COG6: variants seen among roughly 807,000 people sequenced by gnomAD.
COG6 encodes conserved oligomeric Golgi complex subunit 6.
Under a neutral mutation model 88.8 loss-of-function variants are expected in COG6, and 74 were observed. The ratio of observed to expected loss-of-function variants is 0.83; its 90% confidence interval spans 0.69 to 1.01. The LOEUF (loss-of-function observed/expected upper bound fraction) is 1.01. Among genes scored for constraint, COG6 ranks in the 50% least tolerant of loss-of-function variants. The pLI is 0.00. For missense variants in COG6, 800 were observed against 797.9 expected, an observed-to-expected ratio of 1.00 and a Z score of -0.03; for synonymous variants, 286 against 278.7, an observed-to-expected ratio of 1.03 and a Z score of -0.26.
intron 16 of COG6, 25 bp from the exon 17 acceptor site, chr13:39,724,483 C>CTTTTTT: frequency 2.3e-6 from 3 of 1,283,430 alleles, no homozygotes; most frequent in Admixed American, 2.2e-5. Flanking sequence ...CTTGGATCTG[C>CTTTTTT]TTTTTTTTTT....
exon 19 of COG6, chr13:39,790,766 C>A (rs1881916061): frequency 6.6e-6 from 1 of 151,910 alleles, no homozygotes; most frequent in Non-Finnish European, 1.5e-5. Context: ...TTGTTTATGA[C>A]CCTAAGTATA....
chr13:39,701,498 T>C (rs1186270718), intron 13 of COG6, among the ~76,000 whole-genome samples: 1 of 151,902 alleles, frequency 6.6e-6, no homozygotes, highest in Admixed American at 6.6e-5. Context: ...CACTGACGTT[T>C]AAGAGAAGGA....
At chr13:39,764,224 A>G (rs1438001729) in intron 18 of COG6, among the ~76,000 whole-genome samples, 3 of 151,756 alleles carry the variant, frequency 2.0e-5, no homozygotes, top group Non-Finnish European at 4.4e-5. Flanking sequence ...TAGACCTAAT[A>G]TTGGTAATTT....
Position 39,752,601 on chromosome 13 carries a change from G to T in COG6, c.*1508G>T, listed in dbSNP as rs572737538. ...GAAAATTTATTGTGCTTTTTACCTG[G>T]TTTTTTCAAATAAAATATTAAAATA... is the stretch of plus-strand genomic sequence containing the variant. On this transcript the variant is annotated 3_prime_UTR_variant, in exon 19 of 19. Coordinates refer to ENST00000455146, the MANE Select transcript of COG6 (RefSeq NM_020751.3). 657 of 1,265,506 alleles carry T rather than the reference G, an allele frequency of 5.2e-4. No individual in the cohort carries two copies. Among genetic ancestry groups the T allele is most frequent in the African/African-American group, 1.3e-3 (84 of 65,000 alleles). The allele number at this position is 1,265,506 out of a possible 1,614,324, so 78.4% of individuals were successfully genotyped here.
chr13:39,765,750 G>A (rs1388136380), intron 18 of COG6, among the ~76,000 whole-genome samples: 2 of 152,106 alleles, frequency 1.3e-5, no homozygotes, highest in Admixed American at 6.5e-5. Flanking sequence ...AAAACTCTGA[G>A]TTTGGTTTAT....
At chr13:39,709,322 A>T (rs924294151) in intron 13 of COG6, among the ~76,000 whole-genome samples, 1 of 152,050 alleles carries the variant, frequency 6.6e-6, no homozygotes, top group African/African-American at 2.4e-5. Context: ...AATTTATGAG[A>T]TACTAATGCA....
intron 1 of COG6, chr13:39,656,778 G>C: frequency 2.2e-6 from 1 of 455,130 alleles, no homozygotes; most frequent in South Asian, 1.6e-5. Flanking sequence ...CTAAATGTGT[G>C]CATCATGATT....
intron 18 of COG6, among the ~76,000 whole-genome samples, chr13:39,731,299 C>T (rs1242330099): frequency 6.6e-6 from 1 of 152,070 alleles, no homozygotes; most frequent in Non-Finnish European, 1.5e-5. Context: ...TGATTTAGCA[C>T]TTCAGCCTTG....
At chr13:39,678,520 C>A (rs1188404871) in intron 5 of COG6, among the ~76,000 whole-genome samples, 1 of 152,068 alleles carries the variant, frequency 6.6e-6, no homozygotes, top group East Asian at 1.9e-4. Flanking sequence ...AACTGGCTGA[C>A]AGAATTATAT....
At chr13:39,727,899 T>G (rs1879224248) in intron 18 of COG6, among the ~76,000 whole-genome samples, 1 of 152,154 alleles carries the variant, frequency 6.6e-6, no homozygotes, top group South Asian at 2.1e-4. Flanking sequence ...CATTATGCAA[T>G]GCAGATGAAC....
At chr13:39,704,132 T>C (rs1877746529) in intron 13 of COG6, among the ~76,000 whole-genome samples, 1 of 152,214 alleles carries the variant, frequency 6.6e-6, no homozygotes, top group Non-Finnish European at 1.5e-5. Flanking sequence ...CAAGTGGTTA[T>C]CCATTTATTT....
At chr13:39,697,606 A>G (rs1877347425) in intron 12 of COG6, among the ~76,000 whole-genome samples, 5 of 151,952 alleles carry the variant, frequency 3.3e-5, no homozygotes, top group South Asian at 4.1e-4. Flanking sequence ...AGAGAACTCA[A>G]CATTGCATTG....
chr13:39,689,826 TA>T lies in COG6; in HGVS notation c.1074+6del. 6.2e-7 allele frequency: 1 copy of T among 1,605,344 alleles called. No homozygotes were observed. ...GAAGGTGTGTGCAGGCCTCTAAAGG[TA>T]AAATATTTTGTTTTTACATATGCTA... On this transcript the variant is annotated splice_donor_region_variant and intron_variant, in intron 11 of 18. Transcript: ENST00000455146.
downstream of COG6, among the ~76,000 whole-genome samples, chr13:39,756,645 C>T (rs530386217): frequency 1.5e-4 from 23 of 151,930 alleles, no homozygotes; most frequent in African/African-American, 3.4e-4. Flanking sequence ...TAATTCATCA[C>T]GTACAAGTGA....
chr13:39,681,306 T>G (rs1413009224), intron 7 of COG6, among the ~76,000 whole-genome samples: 2 of 152,248 alleles, frequency 1.3e-5, no homozygotes, highest in Non-Finnish European at 2.9e-5. Flanking sequence ...TTCTTTACAT[T>G]GTTTGCTTCC....
At chr13:39,739,523 A>G (rs1201417252) in intron 18 of COG6, among the ~76,000 whole-genome samples, 1 of 152,136 alleles carries the variant, frequency 6.6e-6, no homozygotes, top group Non-Finnish European at 1.5e-5. Context: ...AAATCCTGAA[A>G]GATATAAAAA....
At chr13:39,698,950 A>G (rs1038890055) in intron 12 of COG6, among the ~76,000 whole-genome samples, 3 of 151,896 alleles carry the variant, frequency 2.0e-5, no homozygotes, top group Admixed American at 6.6e-5. Flanking sequence ...GTACTAATGT[A>G]ATTAGCCATT....
Position 39,699,604 on chromosome 13 carries a change from A to T in COG6, c.1270A>T (p.Lys424Ter), listed in dbSNP as rs777466029. ...FFNSLSLHAS[K>*]LMDKVELPPP... ...CAATAGCTTGAGTCTTCATGCAAGT[A>T]AATTAATGGACAAGGTATGTTTGAA... is the stretch of plus-strand genomic sequence containing the variant. The change falls in exon 13 of 19, where the codon AAA (lysine) becomes TAA (stop). Residue 424 changes from lysine to a stop codon, truncating the protein, a stop_gained. Coordinates refer to ENST00000455146, the MANE Select transcript of COG6 (RefSeq NM_020751.3). LOFTEE classifies it high-confidence loss of function. 2 of 1,399,988 alleles carry T rather than the reference A, an allele frequency of 1.4e-6. No individual in the cohort carries two copies. Among genetic ancestry groups the T allele is most frequent in the South Asian group, 2.3e-5 (2 of 86,556 alleles). 86.7% of individuals were successfully genotyped at this position (1,399,988 alleles called of 1,614,324 possible). A position where few individuals can be genotyped will look rare whatever the true frequency, so the allele number is the denominator to read the frequency against.
chr13:39,694,694 A>C lies in COG6; in HGVS notation c.1135A>C (p.Asn379His), dbSNP rs576607031. 6.7e-5 allele frequency: 107 copies of C among 1,593,856 alleles called. 1 individual carries two copies. The South Asian group carries it at 1.2e-3, about 18-fold the overall frequency. Residue 379 changes from asparagine to histidine, a missense_variant, in exon 12 of 19, where the codon AAT (asparagine) becomes CAT (histidine). Coordinates refer to ENST00000455146, the MANE Select transcript of COG6 (RefSeq NM_020751.3). ...PGAVLLYKIS[N>H]LLKFYHHTIS... is the part of the protein sequence containing the mutation. ...GGCAGTTTTATTATATAAAATTTCT[A>C]ATCTCCTCAAATTTTATCACCATAC...
Sources: allele counts gnomAD v4.1 joint callset (sites outside exome capture counted in the v4.1 genomes callset), GRCh38; gene constraint gnomAD v4.1.1; transcripts MANE v1.5; gene names NCBI Gene and HGNC (gene_info 2026-07-23, HGNC 2026-07-21).